CHRM3: variants seen among roughly 807,000 people sequenced by gnomAD.
CHRM3 encodes the protein muscarinic acetylcholine receptor M3.
In CHRM3, 11 loss-of-function variants were observed where a neutral mutation model predicts 41.8. The observed-to-expected ratio is 0.26, with a 90% CI of 0.17 to 0.44. The LOEUF is 0.44. Among genes scored for constraint, CHRM3 ranks in the 20% least tolerant of loss-of-function variants. The pLI is 1.00. For synonymous variants in CHRM3, 297 were observed against 301.4 expected (o/e 0.99, Z 0.15); for missense variants, 571 against 745.4 (o/e 0.77, Z 2.72).
chr1:239,885,423 T>C (rs1677985250), intron 6 of CHRM3, among the ~76,000 whole-genome samples: 2 of 152,144 alleles, frequency 1.3e-5, no homozygotes, highest in African/African-American at 4.8e-5. Flanking sequence ...GGGACCACAC[T>C]TGGATGACAA....
intron 5 of CHRM3, among the ~76,000 whole-genome samples, chr1:239,689,118 A>G (rs555020582): frequency 4.1e-4 from 62 of 152,008 alleles, no homozygotes; most frequent in African/African-American, 1.4e-3. Flanking sequence ...TCTTTCTAAT[A>G]CAATACTACT....
chr1:239,835,183 A>T (rs1211403566), intron 6 of CHRM3, among the ~76,000 whole-genome samples: 2 of 152,206 alleles, frequency 1.3e-5, no homozygotes, highest in African/African-American at 2.4e-5. Context: ...AATCACATGG[A>T]GGTCTCGCTG....
intron 5 of CHRM3, among the ~76,000 whole-genome samples, chr1:239,808,767 A>C (rs915595923): frequency 6.6e-6 from 1 of 152,284 alleles, no homozygotes; most frequent in Non-Finnish European, 1.5e-5. Context: ...TTTCCTAGAA[A>C]TACACTGTTT....
intron 6 of CHRM3, among the ~76,000 whole-genome samples, chr1:239,903,230 A>G (rs1679718662): frequency 6.6e-6 from 1 of 152,202 alleles, no homozygotes; most frequent in Non-Finnish European, 1.5e-5. Context: ...AACTGACCTT[A>G]GGCTAATTTC....
intron 5 of CHRM3, among the ~76,000 whole-genome samples, chr1:239,693,141 GCT>G (rs1480709274): frequency 6.6e-6 from 1 of 151,958 alleles, no homozygotes; most frequent in Non-Finnish European, 1.5e-5. Flanking sequence ...GTTACCTTTG[GCT>G]CTCTACAAAA....
At chr1:239,585,890 TAA>T (rs1202549435) in intron 3 of CHRM3, among the ~76,000 whole-genome samples, 1 of 152,206 alleles carries the variant, frequency 6.6e-6, no homozygotes, top group African/African-American at 2.4e-5. Context: ...TTGCTTCAAC[TAA>T]AAAAGATTCC....
At chr1:239,853,617 T>C (rs1218370488) in intron 6 of CHRM3, among the ~76,000 whole-genome samples, 1 of 152,096 alleles carries the variant, frequency 6.6e-6, no homozygotes, top group African/African-American at 2.4e-5. Context: ...TTTTACCTCT[T>C]CTGTTTATTT....
chr1:239,859,421 T>TGTTG (rs1217259869), intron 6 of CHRM3, among the ~76,000 whole-genome samples: 7 of 24,094 alleles, frequency 2.9e-4, no homozygotes, highest in African/African-American at 4.6e-4. Flanking sequence ...TTGTTGTTGT[T>TGTTG]TTTTTTTTTT....
chr1:239,644,795 T>C (rs1356683748), intron 4 of CHRM3, among the ~76,000 whole-genome samples: 1 of 152,188 alleles, frequency 6.6e-6, no homozygotes, highest in Non-Finnish European at 1.5e-5. Context: ...AAGCTGCACG[T>C]TGATGAAGCT....
At position 239,536,313 on chromosome 1, in the gene CHRM3, C is replaced by G. The variant is rs556138487; in HGVS notation, c.-421-9328C>G. ...ACTTAGAAATCCTAGCTGGAAGACA[C>G]GGTTACAAGTACTCTCTTGGCTACA... is the stretch of plus-strand genomic sequence containing the variant. On this transcript the variant is annotated intron_variant, in intron 2 of 6. Transcript: ENST00000676153. Among the ~76,000 whole-genome samples the G allele has an allele frequency of 3.4e-3, 514 of 152,222 alleles. 2 individuals are homozygous for G. The highest frequency in any genetic ancestry group is 6.3e-3 in the Non-Finnish European group (428 of 68,004).
At chr1:239,402,109 T>G (rs1660029240) in intron 1 of CHRM3, among the ~76,000 whole-genome samples, 2 of 152,158 alleles carry the variant, frequency 1.3e-5, no homozygotes. Flanking sequence ...TTTAGACATT[T>G]CTACAAAGAA....
At chr1:239,535,964 A>T (rs1012449372) in intron 2 of CHRM3, among the ~76,000 whole-genome samples, 2 of 152,210 alleles carry the variant, frequency 1.3e-5, no homozygotes, top group Non-Finnish European at 2.9e-5. Context: ...AGATATCATA[A>T]GCATAATTAG....
intron 3 of CHRM3, among the ~76,000 whole-genome samples, chr1:239,576,765 G>T (rs1047090099): frequency 6.7e-6 from 1 of 150,190 alleles, no homozygotes. Flanking sequence ...GCTGCAGGCT[G>T]AGCAACAGAG....
At chr1:239,736,912 G>T (rs1219294755) in intron 5 of CHRM3, among the ~76,000 whole-genome samples, 1 of 152,094 alleles carries the variant, frequency 6.6e-6, no homozygotes, top group African/African-American at 2.4e-5. Flanking sequence ...TTGCATGAAA[G>T]TTCAGTCTTG....
chr1:239,391,257 T>C (rs1331195268), intron 1 of CHRM3, among the ~76,000 whole-genome samples: 2 of 152,210 alleles, frequency 1.3e-5, no homozygotes, highest in East Asian at 1.9e-4. Context: ...ACTGTACACT[T>C]GAAGACCATA....
intron 4 of CHRM3, among the ~76,000 whole-genome samples, chr1:239,639,438 A>C (rs879689558): frequency 6.9e-4 from 105 of 152,098 alleles, no homozygotes; most frequent in East Asian, 1.7e-3. Flanking sequence ...CTTTTATTTC[A>C]TTGAGCAGTG....
At chr1:239,840,538 G>C (rs1020001319) in intron 6 of CHRM3, among the ~76,000 whole-genome samples, 5 of 152,182 alleles carry the variant, frequency 3.3e-5, no homozygotes, top group African/African-American at 1.2e-4. Flanking sequence ...TCAAAATGCT[G>C]TCTACTGCCC....
In CHRM3 at chr1:239,740,500, G is replaced by A. The variant is rs541353475; in HGVS notation, c.-147+62212G>A. On this transcript the variant is annotated intron_variant, in intron 5 of 6. Coordinates refer to ENST00000676153, the MANE Select transcript of CHRM3 (RefSeq NM_001375978.1). ...AAGTTCTGGGATACATGTGCAGAACGTGCAGGCTTGTTACATAGGTATACA... is the reference window on the plus strand; with the variant it reads ...AAGTTCTGGGATACATGTGCAGAACATGCAGGCTTGTTACATAGGTATACA... Among the ~76,000 whole-genome samples the A allele has an allele frequency of 3.3e-5, 5 of 151,632 alleles. No homozygotes were observed. The South Asian group carries it at 1.0e-3, about 32-fold the overall frequency.
At chr1:239,771,177 T>C (rs1379661571) in intron 5 of CHRM3, among the ~76,000 whole-genome samples, 2 of 152,118 alleles carry the variant, frequency 1.3e-5, no homozygotes, top group African/African-American at 4.8e-5. Context: ...AGTGAATAAG[T>C]TACCCAAACT....
Sources: allele counts gnomAD v4.1 joint callset (sites outside exome capture counted in the v4.1 genomes callset), GRCh38; gene constraint gnomAD v4.1.1; transcripts MANE v1.5; gene names NCBI Gene and HGNC (gene_info 2026-07-23, HGNC 2026-07-21).